SPEG: variants seen among roughly 807,000 people sequenced by gnomAD.
The protein encoded by SPEG is striated muscle enriched protein kinase.
SPEG carries 114 observed loss-of-function variants against 300.4 expected under a neutral mutation model. The ratio of observed to expected loss-of-function variants is 0.38; its 90% CI spans 0.33 to 0.44. The LOEUF is 0.44. Among genes scored for constraint, SPEG ranks in the 20% least tolerant of loss-of-function variants. The probability of loss-of-function intolerance (pLI) is 1.00; values close to 1 mark genes in which losing one functional copy is unlikely to be tolerated. For synonymous variants in SPEG, 1,964 were observed against 2,018.9 expected (o/e 0.97, Z 0.73); for missense variants, 4,201 against 4,586.2 (o/e 0.92, Z 2.43).
At chr2:219,470,044 G>GC (rs1158048244) in intron 13 of SPEG, among the ~76,000 whole-genome samples, 1 of 152,110 alleles carries the variant, frequency 6.6e-6, no homozygotes, top group African/African-American at 2.4e-5. Context: ...GAGAAGGTCT[G>GC]CCCCCCTCCC....
rs1689142239 is a variant in SPEG, at chr2:219,444,538, C to G, written c.389-115C>G. 1 of 851,992 alleles carries G rather than the reference C, an allele frequency of 1.2e-6. No homozygotes were observed. Among genetic ancestry groups the G allele is most frequent in the Non-Finnish European group, 1.9e-6 (1 of 519,490 alleles). 52.8% of individuals were successfully genotyped at this position (851,992 alleles called of 1,614,324 possible). A position where few individuals can be genotyped will look rare whatever the true frequency, so the allele number is the denominator to read the frequency against. On this transcript the variant is annotated intron_variant, in intron 1 of 40. Coordinates refer to ENST00000312358, the MANE Select transcript of SPEG (RefSeq NM_005876.5). The surrounding 1 kb of genome is among the most constrained non-coding windows in gnomAD (Gnocchi z 7.8). ...GGGAGCAAAAGAGAGGAGGTGCTGG[C>G]AGCCCTGCCAGTGATAAGATGGAGC... is the stretch of plus-strand genomic sequence containing the variant.
At chr2:219,446,145 G>T (rs1202194963) in intron 3 of SPEG, among the ~76,000 whole-genome samples, 2 of 151,844 alleles carry the variant, frequency 1.3e-5, no homozygotes, top group Non-Finnish European at 1.5e-5. Flanking sequence ...CTAGCGGTGG[G>T]CAGGGGAGAG....
chr2:219,446,846 G>A (rs1264187904), intron 3 of SPEG, among the ~76,000 whole-genome samples: 1 of 152,092 alleles, frequency 6.6e-6, no homozygotes, highest in African/African-American at 2.4e-5. Context: ...GCTGTTGTGA[G>A]TATTAAATGA....
At chr2:219,456,514 C>CG (rs1311641362) in intron 6 of SPEG, among the ~76,000 whole-genome samples, 35 of 152,342 alleles carry the variant, frequency 2.3e-4, no homozygotes, top group African/African-American at 8.2e-4. Flanking sequence ...GTACCTAGAA[C>CG]GGGGGCCATC....
rs1169788665 is a variant in SPEG, at chr2:219,484,686, G to A, written c.7223G>A (p.Arg2408His). ...RAVGEPGLVR[R>H]LSLSLSQRLR... ...GTCGGAGAGCCTGGCCTCGTCCGCC[G>A]CCTCTCGCTGTCACTGTCCCAGCGG... Residue 2408 changes from arginine to histidine, a missense_variant, in exon 30 of 41, where the codon CGC (arginine) becomes CAC (histidine). Arg to His is a conservative substitution (Grantham distance 29). Transcript: ENST00000312358. 2 of 1,518,004 alleles carry A rather than the reference G, an allele frequency of 1.3e-6. No individual in the cohort carries two copies. The highest frequency in any genetic ancestry group is 1.2e-5 in the South Asian group (1 of 82,650). 94.0% of individuals were successfully genotyped at this position (1,518,004 alleles called of 1,614,324 possible).
chr2:219,490,999 C>T, intron 38 of SPEG, 43 bp downstream of exon 38: 1 of 1,522,748 alleles, frequency 6.6e-7, no homozygotes, highest in Non-Finnish European at 9.0e-7. Flanking sequence ...CAGGGCCCTG[C>T]CAGAGAGGCA....
At position 219,451,937 on chromosome 2, in the gene SPEG, G is replaced by A; in HGVS notation, c.2440+130G>A. 1 of 967,694 alleles carries A rather than the reference G, an allele frequency of 1.0e-6. No homozygotes were observed. Among genetic ancestry groups the A allele is most frequent in the Non-Finnish European group, 1.5e-6 (1 of 686,092 alleles). The allele number at this position is 967,694 out of a possible 1,614,324, so 59.9% of individuals were successfully genotyped here. A position where few individuals can be genotyped will look rare whatever the true frequency, so the allele number is the denominator to read the frequency against. On this transcript the variant is annotated intron_variant, in intron 6 of 40. Coordinates refer to ENST00000312358, the MANE Select transcript of SPEG (RefSeq NM_005876.5). The surrounding 1 kb of genome is among the most constrained non-coding windows in gnomAD (Gnocchi z 6.4). ...CACCCCGCCAGCATACTTAGTCCAT[G>A]CAGTCCCTTCTGGGTGTCGGCAGCT...
chr2:219,493,537 C>T lies in SPEG; in HGVS notation c.*751C>T. The stretch of plus-strand genomic sequence containing the variant: ...ACTTTTATGAAGTTTCCCCTTCCAT[C>T]CGATCCCTACTGCCCATGTTGTCCT... On this transcript the variant is annotated 3_prime_UTR_variant, in exon 41 of 41. Transcript: ENST00000312358. 2.2e-6 allele frequency: 1 copy of T among 459,776 alleles called. No homozygotes were observed. Among genetic ancestry groups the T allele is most frequent in the Non-Finnish European group, 4.4e-6 (1 of 228,168 alleles). 28.5% of individuals were successfully genotyped at this position (459,776 alleles called of 1,614,324 possible).
At chr2:219,492,477 A>G in intron 40 of SPEG, 117 bp from the exon 41 acceptor site, 1 of 1,222,066 alleles carries the variant, frequency 8.2e-7, no homozygotes, top group South Asian at 1.4e-5. Flanking sequence ...TGAGCTGCCC[A>G]AGATCACACA....
intron 4 of SPEG, among the ~76,000 whole-genome samples, chr2:219,450,013 C>T (rs892423529): frequency 1.3e-4 from 20 of 152,304 alleles, no homozygotes; most frequent in Middle Eastern, 3.4e-3. Context: ...GCGTCCTTGA[C>T]CCACTTCCAC....
intron 3 of SPEG, 136 bp from the exon 4 acceptor site, chr2:219,447,838 T>TG (rs1185534094): frequency 5.6e-6 from 4 of 719,054 alleles, no homozygotes; most frequent in East Asian, 2.9e-5. Flanking sequence ...GGGGTGGGGG[T>TG]GGGGGGCAGG....
chr2:219,466,039 G>T, intron 9 of SPEG: 1 of 1,604,238 alleles, frequency 6.2e-7, no homozygotes. Context: ...GCTGACTGAG[G>T]TTTTTGTCTG....
In SPEG at chr2:219,458,536, T is replaced by C. The variant is rs893292779; in HGVS notation, c.2441-3346T>C. ...TAAGGAGCCCTCCAGGTGATTCCGA[T>C]GCACAGAAAACCTTGAGAACCACTG... On this transcript the variant is annotated intron_variant, in intron 6 of 40. Coordinates refer to ENST00000312358, the MANE Select transcript of SPEG (RefSeq NM_005876.5). The surrounding 1 kb of genome is among the most constrained non-coding windows in gnomAD (Gnocchi z 4.2). Among the ~76,000 whole-genome samples the C allele has an allele frequency of 3.9e-5, 6 of 152,218 alleles. No individual in the cohort carries two copies. Among genetic ancestry groups the C allele is most frequent in the Non-Finnish European group, 7.3e-5 (5 of 68,048 alleles).
In SPEG at chr2:219,444,859, C is replaced by T; in HGVS notation, c.513C>T (p.Asp171=). The change falls in exon 3 of 41, where the codon GAC becomes GAT. Residue 171 remains aspartate (D), a synonymous_variant. Transcript: ENST00000312358. The surrounding 1 kb of genome is among the most constrained non-coding windows in gnomAD (Gnocchi z 7.8). The part of the protein sequence containing the change: ...GSDTLVGTSL[D]TPPTSVTGTS... ...ACACCCTGGTGGGCACCTCCCTGGA[C>T]ACACCCCCGACCTCCGTGACAGGCA... 1 of 1,574,930 alleles carries T rather than the reference C, an allele frequency of 6.3e-7. No individual in the cohort carries two copies. The highest frequency in any genetic ancestry group is 8.6e-7 in the Non-Finnish European group (1 of 1,159,810).
Position 219,489,669 on chromosome 2 carries a change from C to T in SPEG, c.8651C>T (p.Pro2884Leu), listed in dbSNP as rs114233681. The T allele has an allele frequency of 3.4e-3, 5,500 of 1,614,066 alleles. 172 individuals are homozygous for T. In the African/African-American group the frequency reaches 0.064, roughly 19 times the overall value. The change falls in exon 36 of 41, where the codon CCA (proline) becomes CTA (leucine). Residue 2884 changes from proline (P) to leucine (L), a missense_variant. By Grantham distance (98) the Pro-to-Leu change is moderately conservative. This residue lies in a region of SPEG where 1,578 missense variants were observed against 1,506.0 expected (regional missense o/e 1.05). Transcript: ENST00000312358. ...PFVLDTGTPI[P>L]ASTPQGVKPV... ...GTCCTTGACACTGGGACCCCGATCCCAGCCTCCACTCCTCAAGGGGTTAAA... is the reference window on the plus strand; with the variant it reads ...GTCCTTGACACTGGGACCCCGATCCTAGCCTCCACTCCTCAAGGGGTTAAA...
In SPEG at chr2:219,459,177, G is replaced by T. The variant is rs547708133; in HGVS notation, c.2441-2705G>T. Among the ~76,000 whole-genome samples the T allele has an allele frequency of 6.6e-5, 10 of 152,362 alleles. No homozygotes were observed. In the South Asian group the frequency reaches 2.1e-3, roughly 32 times the overall value. ...GGGGATTGGGAGCCAGTGTGAAGGG[G>T]CGGTACTTCCGTGGTGGGTTGTTCG... is the stretch of plus-strand genomic sequence containing the variant. On this transcript the variant is annotated intron_variant, in intron 6 of 40. Transcript: ENST00000312358. This position sits in a 1 kb window ranked among gnomAD's most constrained non-coding sequence, Gnocchi z 4.9.
At position 219,483,875 on chromosome 2, in the gene SPEG, C is replaced by T. The variant is rs1424375477; in HGVS notation, c.6412C>T (p.Pro2138Ser). 1 of 1,596,810 alleles carries T rather than the reference C, an allele frequency of 6.3e-7. No homozygotes were observed. Among genetic ancestry groups the T allele is most frequent in the Non-Finnish European group, 8.5e-7 (1 of 1,177,018 alleles). Residue 2138 changes from proline to serine, a missense_variant, in exon 30 of 41, where the codon CCC becomes TCC. By Grantham distance (74) the Pro-to-Ser change is moderately conservative. Transcript: ENST00000312358. The stretch of plus-strand genomic sequence containing the variant: ...CAGCTTCTCCCAGGGTGAGGCGGAG[C>T]CCCGGGGCCGGCACCGCCGAGCGGG... ...SSSFSQGEAE[P>S]RGRHRRAGAP... is the part of the protein sequence containing the mutation.
rs1047006164 is a variant in SPEG at position 219,464,814 on chromosome 2, C to A, written c.2881+206C>A. 1.7e-6 allele frequency: 1 copy of A among 575,176 alleles called. No homozygotes were observed. The allele number at this position is 575,176 out of a possible 1,614,324, so 35.6% of individuals were successfully genotyped here. On this transcript the variant is annotated intron_variant, in intron 9 of 40. Coordinates refer to ENST00000312358, the MANE Select transcript of SPEG (RefSeq NM_005876.5). This position sits in a 1 kb window ranked among gnomAD's most constrained non-coding sequence, Gnocchi z 4.5. ...CCCAAAGCTGCACAGCACATTGTTC[C>A]GTGCTCAGCTTACTACACAACACCA...
chr2:219,476,481 C>T (rs1224428467), intron 18 of SPEG, among the ~76,000 whole-genome samples: 2 of 152,184 alleles, frequency 1.3e-5, no homozygotes, highest in Non-Finnish European at 2.9e-5. Flanking sequence ...CGGATTCATG[C>T]AGCGAGGGGA....
Sources: allele counts gnomAD v4.1 joint callset (sites outside exome capture counted in the v4.1 genomes callset), GRCh38; gene constraint gnomAD v4.1.1; regional missense constraint gnomAD v4.1.1; non-coding constraint Gnocchi (gnomAD v3.1); transcripts MANE v1.5; gene names NCBI Gene and HGNC (gene_info 2026-07-23, HGNC 2026-07-21).